Variants in NYAP2 observed in about 807,000 individuals in gnomAD.
The protein encoded by NYAP2 is neuronal tyrosine-phosphorylated phosphoinositide-3-kinase adapter 2.
Under a neutral mutation model 50.4 loss-of-function variants are expected in NYAP2, and 23 were observed. That is an observed-to-expected ratio of 0.46 (90% confidence interval 0.33 to 0.65). The LOEUF is 0.65. NYAP2 is among the 30% of genes least tolerant of loss of function. The probability of loss-of-function intolerance (pLI) is 0.02; values close to 1 mark genes in which losing one functional copy is unlikely to be tolerated. For missense variants in NYAP2, 885 were observed against 861.0 expected, an observed-to-expected ratio of 1.03 and a Z score of -0.35; for synonymous variants, 394 against 365.2, an observed-to-expected ratio of 1.08 and a Z score of -0.90.
intron 3 of NYAP2, among the ~76,000 whole-genome samples, chr2:225,444,754 C>T (rs1036451850): frequency 2.0e-5 from 3 of 152,138 alleles, no homozygotes; most frequent in Admixed American, 1.3e-4. Context: ...ATTTGTCCAC[C>T]AACCAGGCTA....
chr2:225,616,530 G>T (rs1692995118), intron 5 of NYAP2, among the ~76,000 whole-genome samples: 1 of 152,180 alleles, frequency 6.6e-6, no homozygotes. Context: ...TATTCAATTA[G>T]AATACAGGTC....
At chr2:225,532,449 T>A (rs1229288792) in intron 4 of NYAP2, among the ~76,000 whole-genome samples, 1 of 152,176 alleles carries the variant, frequency 6.6e-6, no homozygotes, top group Non-Finnish European at 1.5e-5. Flanking sequence ...AAGACCTGCT[T>A]TTTACAATTT....
chr2:225,419,806 A>G (rs753979737), intron 3 of NYAP2, among the ~76,000 whole-genome samples: 1 of 152,150 alleles, frequency 6.6e-6, no homozygotes, highest in Non-Finnish European at 1.5e-5. Flanking sequence ...CACCATGTCT[A>G]CAAAGATTCC....
intron 3 of NYAP2, among the ~76,000 whole-genome samples, chr2:225,477,048 A>T (rs1690125479): frequency 6.6e-6 from 1 of 152,106 alleles, no homozygotes; most frequent in Non-Finnish European, 1.5e-5. Flanking sequence ...AAAAAATTAC[A>T]CAATGCCCCA....
intron 4 of NYAP2, among the ~76,000 whole-genome samples, chr2:225,543,240 G>T (rs1335532583): frequency 6.6e-6 from 1 of 151,272 alleles, no homozygotes; most frequent in Non-Finnish European, 1.5e-5. Context: ...GCATTGCTTT[G>T]TTTGAATTTC....
At position 225,582,575 on chromosome 2, in the gene NYAP2, C is replaced by A; in HGVS notation, c.1158C>A (p.His386Gln). ...CGTCGCCCTCCACGCTGCCGTCCCA[C>A]GTCCCCGGCCATGCGAAACTGGAGA... Residue 386 changes from histidine to glutamine, a missense_variant, in exon 5 of 7, where the codon CAC (histidine) becomes CAA (glutamine). Coordinates refer to ENST00000636099, the Ensembl canonical transcript of NYAP2. This position sits in a 1 kb window ranked among gnomAD's most constrained non-coding sequence, Gnocchi z 7.0. The A allele has an allele frequency of 6.3e-7, 1 of 1,594,900 alleles. No homozygotes were observed. Among genetic ancestry groups the A allele is most frequent in the Non-Finnish European group, 8.5e-7 (1 of 1,170,828 alleles).
intron 3 of NYAP2, among the ~76,000 whole-genome samples, chr2:225,428,605 C>T (rs1451698574): frequency 2.6e-5 from 4 of 152,190 alleles, no homozygotes; most frequent in African/African-American, 9.7e-5. Context: ...GCCTGCAGTT[C>T]ATAGCTTTCA....
rs115895678 is a variant in NYAP2 at position 225,461,875 on chromosome 2, A to G, written c.222-51496A>G. Among the ~76,000 whole-genome samples, 825 of 152,284 alleles carry G rather than the reference A, an allele frequency of 5.4e-3. 7 individuals are homozygous for G. Among genetic ancestry groups the G allele is most frequent in the African/African-American group, 0.019 (772 of 41,558 alleles). On this transcript the variant is annotated intron_variant, in intron 3 of 6. Transcript: ENST00000636099. ...AGTTTAGTGTCATTGTTAATTTAGG[A>G]AAGACAATAATTTATGTACTTTTGT...
intron 3 of NYAP2, among the ~76,000 whole-genome samples, chr2:225,478,814 T>G (rs1460316228): frequency 6.6e-6 from 1 of 152,170 alleles, no homozygotes; most frequent in African/African-American, 2.4e-5. Context: ...ATAAAAAGTA[T>G]TTTTCAAACA....
At chr2:225,564,927 C>G (rs1344611692) in intron 4 of NYAP2, among the ~76,000 whole-genome samples, 1 of 151,968 alleles carries the variant, frequency 6.6e-6, no homozygotes, top group Non-Finnish European at 1.5e-5. Context: ...GTCAGGAGTT[C>G]AAGACCAGCC....
intron 5 of NYAP2, among the ~76,000 whole-genome samples, chr2:225,600,817 T>C (rs1692679280): frequency 6.6e-6 from 1 of 152,258 alleles, no homozygotes; most frequent in Non-Finnish European, 1.5e-5. Flanking sequence ...AGACAATATT[T>C]ATCTTTCAGT....
chr2:225,699,790 A>G, the NYAP2 span: 1 of 151,924 alleles, frequency 6.6e-6, no homozygotes, highest in South Asian at 2.1e-4. Flanking sequence ...GGGTGGATTC[A>G]ATTTTATGTA....
intron 3 of NYAP2, among the ~76,000 whole-genome samples, chr2:225,426,640 G>T (rs1559176676): frequency 6.6e-6 from 1 of 152,178 alleles, no homozygotes; most frequent in Non-Finnish European, 1.5e-5. Context: ...AATGCTTAAA[G>T]CCATAAATCC....
chr2:225,508,507 A>G (rs934327), intron 3 of NYAP2, among the ~76,000 whole-genome samples: 47,938 of 152,030 alleles, frequency 0.32, 7,706 homozygotes, highest in South Asian at 0.48. Context: ...ACAGAGTTAG[A>G]AGTCTGGGAG....
chr2:225,562,841 A>G (rs944612526), intron 4 of NYAP2, among the ~76,000 whole-genome samples: 1 of 152,124 alleles, frequency 6.6e-6, no homozygotes, highest in African/African-American at 2.4e-5. Flanking sequence ...CTAAATTGCC[A>G]GCTTAGCTCG....
chr2:225,464,310 G>A (rs1460371385), intron 3 of NYAP2, among the ~76,000 whole-genome samples: 1 of 152,134 alleles, frequency 6.6e-6, no homozygotes, highest in East Asian at 1.9e-4. Context: ...TATCCCTGGT[G>A]CAAATATTGG....
At chr2:225,457,664 G>A (rs1476813846) in intron 3 of NYAP2, among the ~76,000 whole-genome samples, 2 of 152,186 alleles carry the variant, frequency 1.3e-5, no homozygotes, top group African/African-American at 4.8e-5. Context: ...AGTTATGACT[G>A]AACAGATGAC....
At chr2:225,482,934 T>G (rs1045711566) in intron 3 of NYAP2, among the ~76,000 whole-genome samples, 1 of 152,180 alleles carries the variant, frequency 6.6e-6, no homozygotes, top group Non-Finnish European at 1.5e-5. Context: ...TTTTGTGGAC[T>G]GTTCAGGACT....
intron 4 of NYAP2, among the ~76,000 whole-genome samples, chr2:225,551,175 C>T (rs954187812): frequency 6.6e-6 from 1 of 152,186 alleles, no homozygotes. Flanking sequence ...TTAGTGACCC[C>T]TAGTGAATTT....
Sources: gnomAD v4.1 joint callset for allele counts (sites outside exome capture counted in the v4.1 genomes callset) on GRCh38, gnomAD v4.1.1 for gene constraint, Gnocchi (gnomAD v3.1) non-coding constraint, MANE v1.5 for transcripts, NCBI Gene and HGNC (gene_info 2026-07-23, HGNC 2026-07-21) for gene names.